The following PCSK6 variants were observed in gnomAD, a reference collection of about 807,000 sequenced individuals.
PCSK6 encodes proprotein convertase subtilisin/kexin type 6.
In PCSK6, 85 loss-of-function variants were observed where a neutral mutation model predicts 123.3. That is an observed-to-expected ratio of 0.69 (90% confidence interval 0.58 to 0.83). The LOEUF is 0.83. Among genes scored for constraint, PCSK6 ranks in the 40% least tolerant of loss-of-function variants. The probability of loss-of-function intolerance (pLI) is 0.00; values close to 1 mark genes in which losing one functional copy is unlikely to be tolerated. For synonymous variants in PCSK6, 508 were observed against 516.0 expected, an observed-to-expected ratio of 0.98 and a Z score of 0.21; for missense variants, 1,191 against 1,282.3, an observed-to-expected ratio of 0.93 and a Z score of 1.09.
rs113918137 is a variant in PCSK6 at position 101,356,162 on chromosome 15, C to T, written c.1858+10034G>A. ...TCTCTTAAATGCAGCCAAACTTCTC[C>T]GACAGATGTTCTGCAGGACGAGCCA... On this transcript the variant is annotated intron_variant, in intron 13 of 21. Transcript: ENST00000611716. Among the ~76,000 whole-genome samples, 673 of 152,296 alleles carry T rather than the reference C, an allele frequency of 4.4e-3. 5 individuals are homozygous for T. The highest frequency in any genetic ancestry group is 0.015 in the African/African-American group (634 of 41,568).
Position 101,381,091 on chromosome 15 carries a change from G to T in PCSK6, c.1532+1001C>A, listed in dbSNP as rs560440373. Among the ~76,000 whole-genome samples, 8 of 151,972 alleles carry T rather than the reference G, an allele frequency of 5.3e-5. No individual in the cohort carries two copies. The South Asian group carries it at 1.7e-3, about 32-fold the overall frequency. ...TAAATAAAAATTTTGGCCAGGCACG[G>T]TAGCTCACATCTGTAATCCAAGCAC... is the stretch of plus-strand genomic sequence containing the variant. On this transcript the variant is annotated intron_variant, in intron 11 of 21. Coordinates refer to ENST00000611716, the MANE Select transcript of PCSK6 (RefSeq NM_002570.5).
Position 101,313,070 on chromosome 15 carries a change from C to T in PCSK6, c.2699+306G>A. ...TTATCGACAGTGCAAAGGATGCATG[C>T]TGAGCGCGACATGGGCAGGGACGTC... On this transcript the variant is annotated intron_variant, in intron 20 of 21. Transcript: ENST00000611716. The T allele has an allele frequency of 2.3e-6, 3 of 1,303,360 alleles. No individual in the cohort carries two copies. The South Asian group carries it at 4.7e-5, about 20-fold the overall frequency. 80.7% of individuals were successfully genotyped at this position (1,303,360 alleles called of 1,614,324 possible).
intron 1 of PCSK6, among the ~76,000 whole-genome samples, chr15:101,460,672 T>G (rs1042058146): frequency 2.0e-5 from 3 of 152,148 alleles, no homozygotes; most frequent in African/African-American, 4.8e-5. Context: ...CCCAAATGTC[T>G]AAGAACTGAT....
intron 1 of PCSK6, among the ~76,000 whole-genome samples, chr15:101,451,530 G>A (rs2057034579): frequency 6.6e-6 from 1 of 152,096 alleles, no homozygotes; most frequent in Non-Finnish European, 1.5e-5. Flanking sequence ...AGTGATGAAT[G>A]GACTGCAGAT....
At chr15:101,424,456 T>G (rs375622996) in intron 6 of PCSK6, among the ~76,000 whole-genome samples, 1 of 151,970 alleles carries the variant, frequency 6.6e-6, no homozygotes, top group Non-Finnish European at 1.5e-5. Context: ...TCAGATAAAA[T>G]TGGAGAGAAT....
chr15:101,305,465 T>C lies in PCSK6; in HGVS notation c.2813-110A>G, dbSNP rs993440610. Reference sequence around the variant, plus strand: ...CCTCATGCCTGTAATCCCAGCACTTTGGGAGGCCGAGGTGGGTGGATCACC... The same window carrying C: ...CCTCATGCCTGTAATCCCAGCACTTCGGGAGGCCGAGGTGGGTGGATCACC... On this transcript the variant is annotated intron_variant, in intron 21 of 21. Transcript: ENST00000611716. This position sits in a 1 kb window ranked among gnomAD's most constrained non-coding sequence, Gnocchi z 4.8. 9 of 850,598 alleles carry C rather than the reference T, an allele frequency of 1.1e-5. No individual in the cohort carries two copies. In the African/African-American group the frequency reaches 1.5e-4, roughly 14 times the overall value. 52.7% of individuals were successfully genotyped at this position (850,598 alleles called of 1,614,324 possible).
chr15:101,339,125 G>A (rs2040545621), intron 13 of PCSK6, among the ~76,000 whole-genome samples: 1 of 152,196 alleles, frequency 6.6e-6, no homozygotes, highest in Admixed American at 6.5e-5. Context: ...CCTTGTGAAG[G>A]AAATTTACAA....
rs189626792 is a variant in PCSK6 at position 101,439,752 on chromosome 15, G to A, written c.402+3804C>T. Among the ~76,000 whole-genome samples the A allele has an allele frequency of 1.4e-4, 21 of 152,304 alleles. No homozygotes were observed. In the East Asian group the frequency reaches 3.3e-3, roughly 24 times the overall value. ...GAAACCCGAGCTTTGATTAAACTCCGGGGGCAAAGTCCCATCCTACAAAAC... is the reference window on the plus strand; with the variant it reads ...GAAACCCGAGCTTTGATTAAACTCCAGGGGCAAAGTCCCATCCTACAAAAC... On this transcript the variant is annotated intron_variant, in intron 2 of 21. Coordinates refer to ENST00000611716, the MANE Select transcript of PCSK6 (RefSeq NM_002570.5).
At chr15:101,308,827 C>T (rs1028946289) in intron 20 of PCSK6, 1 of 152,310 alleles carries the variant, frequency 6.6e-6, no homozygotes, top group African/African-American at 2.4e-5. Context: ...CACAGACCCT[C>T]TGGTTTCTCT....
intron 1 of PCSK6, among the ~76,000 whole-genome samples, chr15:101,444,716 G>T (rs1218670959): frequency 2.0e-5 from 3 of 152,002 alleles, no homozygotes; most frequent in Non-Finnish European, 4.4e-5. Context: ...GGGGATAAAG[G>T]TACTTACCTT....
At chr15:101,487,653 G>A (rs1287111878) in intron 1 of PCSK6, among the ~76,000 whole-genome samples, 3 of 152,108 alleles carry the variant, frequency 2.0e-5, no homozygotes, top group Non-Finnish European at 1.5e-5. Context: ...GTAATTTATC[G>A]CGTAGTTTAA....
intron 13 of PCSK6, among the ~76,000 whole-genome samples, chr15:101,364,326 G>C (rs995956574): frequency 3.9e-5 from 6 of 152,148 alleles, no homozygotes; most frequent in Non-Finnish European, 8.8e-5. Context: ...TCGACCCAGA[G>C]AACAAAGACA....
Position 101,393,398 on chromosome 15 carries a change from G to A in PCSK6, c.1023C>T (p.Phe341=), listed in dbSNP as rs756842286. ...TCCCGCCATTCCCAGATGCCCAGAC[G>A]AAAATGGAGCCCAGGCCCTGCCGGC... ...KKGRQGLGSI[F]VWASGNGGRE... Residue 341 remains phenylalanine (F), a synonymous_variant, in exon 8 of 22, where the codon TTC becomes TTT. Transcript: ENST00000611716. The A allele has an allele frequency of 6.2e-6, 10 of 1,602,604 alleles. No homozygotes were observed. In the African/African-American group the frequency reaches 9.4e-5, roughly 15 times the overall value.
chr15:101,330,924 A>G (rs949217276), intron 15 of PCSK6, among the ~76,000 whole-genome samples: 7 of 152,210 alleles, frequency 4.6e-5, no homozygotes, highest in African/African-American at 1.4e-4. Context: ...GGAATTTTCC[A>G]TTTGTTATTT....
Position 101,304,165 on chromosome 15 carries a change from G to A in PCSK6, c.*1093C>T, listed in dbSNP as rs2141323203. On this transcript the variant is annotated 3_prime_UTR_variant, in exon 22 of 22. Transcript: ENST00000611716. ...TCAAGGGAATTGATCAAGCAGATCTGTGCATTTCAATGAAAATATATGAAA... is the reference window on the plus strand; with the variant it reads ...TCAAGGGAATTGATCAAGCAGATCTATGCATTTCAATGAAAATATATGAAA... 1 of 152,652 alleles carries A rather than the reference G, an allele frequency of 6.6e-6. No homozygotes were observed. Among genetic ancestry groups the A allele is most frequent in the African/African-American group, 2.4e-5 (1 of 41,554 alleles). The allele number at this position is 152,652 out of a possible 1,614,324, so 9.5% of individuals were successfully genotyped here. A position where few individuals can be genotyped will look rare whatever the true frequency, so the allele number is the denominator to read the frequency against.
chr15:101,314,900 C>T (rs1596170769), intron 19 of PCSK6, among the ~76,000 whole-genome samples: 1 of 152,212 alleles, frequency 6.6e-6, no homozygotes, highest in Non-Finnish European at 1.5e-5. Context: ...TATGCTTTGG[C>T]CAATGCCGCC....
At chr15:101,393,076 G>A (rs1204183333) in intron 8 of PCSK6, 136 bp downstream of exon 8, 2 of 759,412 alleles carry the variant, frequency 2.6e-6, no homozygotes, top group Non-Finnish European at 4.5e-6. Flanking sequence ...GTTCGCCGAT[G>A]GGTGAGGCTG....
At chr15:101,481,098 G>A (rs1596170963) in intron 1 of PCSK6, among the ~76,000 whole-genome samples, 1 of 152,312 alleles carries the variant, frequency 6.6e-6, no homozygotes, top group South Asian at 2.1e-4. Context: ...TGGCAGAATC[G>A]GAACTAACCT....
intron 13 of PCSK6, among the ~76,000 whole-genome samples, chr15:101,345,698 C>T (rs1375988512): frequency 1.3e-5 from 2 of 152,204 alleles, no homozygotes; most frequent in Admixed American, 6.5e-5. Flanking sequence ...GACGGAGTCT[C>T]GTTCTGTCAT....
Sources: allele counts gnomAD v4.1 joint callset (sites outside exome capture counted in the v4.1 genomes callset), GRCh38; gene constraint gnomAD v4.1.1; non-coding constraint Gnocchi (gnomAD v3.1); transcripts MANE v1.5; gene names NCBI Gene and HGNC (gene_info 2026-07-23, HGNC 2026-07-21).